PAN3: variants seen among roughly 807,000 people sequenced by gnomAD.
PAN3 encodes PAN2-PAN3 deadenylation complex subunit PAN3.
A neutral mutation model predicts 96.2 loss-of-function variants in PAN3; 19 were observed. That is an observed-to-expected ratio of 0.20 (90% CI 0.14 to 0.29). The LOEUF (loss-of-function observed/expected upper bound fraction) is 0.29, where lower values mean the gene tolerates loss of function less well. Ranked by LOEUF, PAN3 falls within the 10% of genes least tolerant of loss-of-function variation. The probability of loss-of-function intolerance (pLI) is 1.00; values close to 1 mark genes in which losing one functional copy is unlikely to be tolerated. For synonymous variants in PAN3, 433 were observed against 406.6 expected (o/e 1.06, Z -0.78); for missense variants, 882 against 1,108.1 (o/e 0.80, Z 2.90).
intron 6 of PAN3, among the ~76,000 whole-genome samples, chr13:28,221,274 G>A (rs376497141): frequency 1.5e-4 from 22 of 151,610 alleles, no homozygotes; most frequent in African/African-American, 4.6e-4. Flanking sequence ...TATGTTTGTC[G>A]AATGTTTGAG....
chr13:28,140,204 C>G (rs1869515713), intron 1 of PAN3, among the ~76,000 whole-genome samples: 1 of 152,164 alleles, frequency 6.6e-6, no homozygotes, highest in African/African-American at 2.4e-5. Flanking sequence ...TCCTCCTCAG[C>G]CTCTCAGTGT....
chr13:28,209,734 C>G (rs1474292184), intron 5 of PAN3, among the ~76,000 whole-genome samples: 1 of 151,940 alleles, frequency 6.6e-6, no homozygotes, highest in Non-Finnish European at 1.5e-5. Context: ...TCTCCCGTCT[C>G]CTCCCGTTTT....
At chr13:28,285,670 C>T (rs964136768) in intron 17 of PAN3, among the ~76,000 whole-genome samples, 4 of 152,086 alleles carry the variant, frequency 2.6e-5, no homozygotes, top group African/African-American at 7.2e-5. Flanking sequence ...CAAATATTCT[C>T]TTCTATTTTC....
intron 6 of PAN3, among the ~76,000 whole-genome samples, chr13:28,244,678 G>A (rs889595898): frequency 6.6e-6 from 1 of 151,872 alleles, no homozygotes; most frequent in Non-Finnish European, 1.5e-5. Context: ...GTCTAATGGT[G>A]TTATGGCCCA....
At chr13:28,265,609 G>A (rs1185332296) in intron 9 of PAN3, among the ~76,000 whole-genome samples, 1 of 152,152 alleles carries the variant, frequency 6.6e-6, no homozygotes, top group African/African-American at 2.4e-5. Flanking sequence ...TTTGGCAAAT[G>A]CAGAGGAAGG....
intron 5 of PAN3, among the ~76,000 whole-genome samples, chr13:28,212,838 A>G (rs557957470): frequency 6.6e-6 from 1 of 152,322 alleles, no homozygotes; most frequent in East Asian, 1.9e-4. Flanking sequence ...CAGGTGACCT[A>G]ATATCCTTAT....
At chr13:28,276,089 T>G (rs975554263) in intron 14 of PAN3, among the ~76,000 whole-genome samples, 1 of 152,228 alleles carries the variant, frequency 6.6e-6, no homozygotes, top group African/African-American at 2.4e-5. Flanking sequence ...TTCTCAATCC[T>G]GGCTGCATAT....
Position 28,235,696 on chromosome 13 carries a change from T to TACACACACACACACACACAC in PAN3, c.1000+15326_1000+15345dup, listed in dbSNP as rs34812975. ...TTTCTCTAATATACACACACACACA[T>TACACACACACACACACACAC]ACACACACACACACACACACACACA... On this transcript the variant is annotated intron_variant, in intron 6 of 18. Coordinates refer to ENST00000380958, the MANE Select transcript of PAN3 (RefSeq NM_175854.8). Among the ~76,000 whole-genome samples, 344 of 140,694 alleles carry TACACACACACACACACACAC rather than the reference T, an allele frequency of 2.4e-3. 1 individual carries two copies. The highest frequency in any genetic ancestry group is 9.0e-3 in the African/African-American group (328 of 36,622). 92.3% of individuals were successfully genotyped at this position (140,694 alleles called of 152,430 possible). A position where few individuals can be genotyped will look rare whatever the true frequency, so the allele number is the denominator to read the frequency against.
At chr13:28,254,632 TTA>T (rs1884994116) in intron 6 of PAN3, among the ~76,000 whole-genome samples, 1 of 152,178 alleles carries the variant, frequency 6.6e-6, no homozygotes, top group African/African-American at 2.4e-5. Flanking sequence ...TAGAGTTAGA[TTA>T]AAAACAGCTC....
At position 28,138,623 on chromosome 13, in the gene PAN3, C is replaced by T. The variant is rs1869112873; in HGVS notation, c.-35C>T. 4.5e-6 allele frequency: 2 copies of T among 441,560 alleles called. No individual in the cohort carries two copies. Among genetic ancestry groups the T allele is most frequent in the South Asian group, 4.5e-5 (1 of 22,466 alleles). The allele number at this position is 441,560 out of a possible 1,614,324, so 27.4% of individuals were successfully genotyped here. A position where few individuals can be genotyped will look rare whatever the true frequency, so the allele number is the denominator to read the frequency against. On this transcript the variant is annotated 5_prime_UTR_variant, in exon 1 of 19. Transcript: ENST00000380958. ...TATGGTGGTGGCGGCGGCGGCTCCT[C>T]GGGCGGCGGCGGAAGACGAGGCTGC... is the stretch of plus-strand genomic sequence containing the variant.
chr13:28,260,760 CAT>C (rs1404650236), intron 8 of PAN3, among the ~76,000 whole-genome samples: 3 of 152,054 alleles, frequency 2.0e-5, no homozygotes, highest in African/African-American at 2.4e-5. Flanking sequence ...GGATATAAAA[CAT>C]AGAATAGCTA....
chr13:28,245,608 A>G (rs1208240413), intron 6 of PAN3, among the ~76,000 whole-genome samples: 1 of 152,170 alleles, frequency 6.6e-6, no homozygotes, highest in African/African-American at 2.4e-5. Flanking sequence ...TGGAACCATT[A>G]CCATTCAAAT....
At chr13:28,176,424 C>A in intron 2 of PAN3, 69 bp from the exon 3 acceptor site, 1 of 1,397,362 alleles carries the variant, frequency 7.2e-7, no homozygotes, top group Non-Finnish European at 1.0e-6. Context: ...GAGAGCCAGT[C>A]TTAATTGGTT....
At position 28,176,520 on chromosome 13, in the gene PAN3, A is replaced by G; in HGVS notation, c.580A>G (p.Ser194Gly). Residue 194 changes from serine to glycine, a missense_variant, in exon 3 of 19, where the codon AGC becomes GGC. Physicochemically the swap from Ser to Gly is moderately conservative, Grantham distance 56 (BLOSUM62 0). Transcript: ENST00000380958. Reference protein sequence around the residue: ...QRMTNSSSSPSLLNDSAKPYS... With the variant: ...QRMTNSSSSPGLLNDSAKPYS... ...AATGACTAATAGTAGCAGCTCCCCA[A>G]GCCTTCTAAATGACAGTGCCAAGCC... 1 of 1,614,004 alleles carries G rather than the reference A, an allele frequency of 6.2e-7. No homozygotes were observed.
intron 1 of PAN3, among the ~76,000 whole-genome samples, chr13:28,139,601 AAG>A (rs1259334351): frequency 6.7e-6 from 1 of 149,058 alleles, no homozygotes; most frequent in Non-Finnish European, 1.5e-5. Flanking sequence ...AGTAGGTTGA[AAG>A]AACGGAAAAA....
At chr13:28,243,386 A>G (rs1354307360) in intron 6 of PAN3, among the ~76,000 whole-genome samples, 1 of 152,234 alleles carries the variant, frequency 6.6e-6, no homozygotes, top group Non-Finnish European at 1.5e-5. Context: ...TTATGGGCCA[A>G]AAACATAAGC....
chr13:28,255,128 T>C (rs1269020415), intron 6 of PAN3, among the ~76,000 whole-genome samples: 1 of 152,200 alleles, frequency 6.6e-6, no homozygotes, highest in Non-Finnish European at 1.5e-5. Flanking sequence ...ATTTTGTGAC[T>C]AGGGCATTTT....
At chr13:28,232,322 A>G (rs2138443654) in intron 6 of PAN3, among the ~76,000 whole-genome samples, 1 of 152,254 alleles carries the variant, frequency 6.6e-6, no homozygotes, top group African/African-American at 2.4e-5. Flanking sequence ...GGTTCAGTTT[A>G]CCCCGAATCT....
intron 5 of PAN3, among the ~76,000 whole-genome samples, chr13:28,199,323 C>CT (rs1278094774): frequency 6.7e-4 from 99 of 146,896 alleles, no homozygotes; most frequent in South Asian, 2.0e-3. Context: ...TTCTGAGGTA[C>CT]TTTTTTTTTT....
Sources: gnomAD v4.1 joint callset for allele counts (sites outside exome capture counted in the v4.1 genomes callset) on GRCh38, gnomAD v4.1.1 for gene constraint, MANE v1.5 for transcripts, NCBI Gene and HGNC (gene_info 2026-07-23, HGNC 2026-07-21) for gene names.